The following SMAD2 variants were observed in gnomAD, a reference collection of about 807,000 sequenced individuals.
The protein encoded by SMAD2 is SMAD family member 2.
Under a neutral mutation model 64.4 loss-of-function variants are expected in SMAD2, and 8 were observed. The ratio of observed to expected loss-of-function variants is 0.12; its 90% CI spans 0.07 to 0.22. The LOEUF (loss-of-function observed/expected upper bound fraction) is 0.22. Among genes scored for constraint, SMAD2 ranks in the 10% least tolerant of loss-of-function variants. SMAD2 has a pLI of 1.00. For missense variants in SMAD2, 289 were observed against 561.2 expected (o/e 0.51, Z 4.90); for synonymous variants, 203 against 195.8 (o/e 1.04, Z -0.31).
At chr18:47,922,693 T>C (rs540551780) in intron 1 of SMAD2, 3 of 152,360 alleles carry the variant, frequency 2.0e-5, no homozygotes, top group Admixed American at 2.0e-4. Flanking sequence ...ATCAATGACC[T>C]GGAATTGTAT....
At chr18:47,863,509 A>G (rs2031340009) in intron 6 of SMAD2, among the ~76,000 whole-genome samples, 1 of 152,120 alleles carries the variant, frequency 6.6e-6, no homozygotes, top group Non-Finnish European at 1.5e-5. Context: ...TTTCAGTTAT[A>G]TTGCTGAATA....
intron 1 of SMAD2, among the ~76,000 whole-genome samples, chr18:47,905,884 GGA>G (rs2144501663): frequency 1.3e-5 from 2 of 152,256 alleles, no homozygotes; most frequent in East Asian, 3.9e-4. Context: ...GGCCAAAATA[GGA>G]GGACTGCTTG....
intron 2 of SMAD2, among the ~76,000 whole-genome samples, chr18:47,874,272 G>T (rs1475922957): frequency 6.6e-6 from 1 of 152,156 alleles, no homozygotes; most frequent in African/African-American, 2.4e-5. Context: ...ACCCATGGAT[G>T]AATCTTGGGA....
chr18:47,927,966 C>G (rs1409359499), intron 1 of SMAD2, among the ~76,000 whole-genome samples: 1 of 152,124 alleles, frequency 6.6e-6, no homozygotes, highest in African/African-American at 2.4e-5. Context: ...GTTGTGAATT[C>G]CTTACGTTTC....
intron 2 of SMAD2, among the ~76,000 whole-genome samples, chr18:47,878,813 C>A (rs969224228): frequency 6.6e-6 from 1 of 152,168 alleles, no homozygotes; most frequent in Non-Finnish European, 1.5e-5. Context: ...CGAGTAAGCA[C>A]CCTACACATT....
chr18:47,854,837 A>G (rs558839837), intron 6 of SMAD2, among the ~76,000 whole-genome samples: 60 of 152,310 alleles, frequency 3.9e-4, no homozygotes, highest in African/African-American at 1.3e-3. Context: ...CATTTGTTAT[A>G]ATAATGAACC....
chr18:47,910,473 A>C (rs1295738627), intron 1 of SMAD2, among the ~76,000 whole-genome samples: 1 of 152,224 alleles, frequency 6.6e-6, no homozygotes, highest in Non-Finnish European at 1.5e-5. Flanking sequence ...CTAAAGCAAA[A>C]GGTGTAAGGA....
chr18:47,843,783 A>T (rs1485674060), intron 10 of SMAD2, among the ~76,000 whole-genome samples: 1 of 152,126 alleles, frequency 6.6e-6, no homozygotes, highest in Non-Finnish European at 1.5e-5. Flanking sequence ...GTAATTACAG[A>T]TTTTACTTTA....
chr18:47,877,334 ACTTCTAGG>A lies in SMAD2; in HGVS notation c.237-6778_237-6771del, dbSNP rs2032323509. Among the ~76,000 whole-genome samples, 7 of 152,210 alleles carry A rather than the reference ACTTCTAGG, an allele frequency of 4.6e-5. No homozygotes were observed. The South Asian group carries it at 1.5e-3, about 32-fold the overall frequency. ...TTACTGATCTACTCATTTAATACAG[ACTTCTAGG>A]GGAGTAATCTGTAACTATGCATCCA... On this transcript the variant is annotated intron_variant, in intron 2 of 10. Transcript: ENST00000262160.
At chr18:47,869,520 A>G (rs1219625543) in intron 3 of SMAD2, 84 bp from the exon 4 acceptor site, 1 of 916,866 alleles carries the variant, frequency 1.1e-6, no homozygotes, top group Non-Finnish European at 1.7e-6. Context: ...AAATTAGTAC[A>G]ATAAAAGCAT....
At chr18:47,857,513 C>T (rs865943927) in intron 6 of SMAD2, among the ~76,000 whole-genome samples, 1 of 152,164 alleles carries the variant, frequency 6.6e-6, no homozygotes, top group Admixed American at 6.5e-5. Context: ...AAAACCTTTG[C>T]TTCTGAAATA....
intron 1 of SMAD2, among the ~76,000 whole-genome samples, chr18:47,911,827 G>C (rs2034148177): frequency 6.6e-6 from 1 of 152,116 alleles, no homozygotes; most frequent in African/African-American, 2.4e-5. Flanking sequence ...ATAAAATAAA[G>C]CAAATACACA....
In SMAD2 at chr18:47,860,802, GAA is replaced by G. The variant is rs1443159631; in HGVS notation, c.730+4255_730+4256del. On this transcript the variant is annotated intron_variant, in intron 6 of 10. Transcript: ENST00000262160. ...CTATATGATCCTCTTTATAAACGCA[GAA>G]AAAAAATTTGACAAAATTCAACAGC... Among the ~76,000 whole-genome samples, 11 of 151,462 alleles carry G rather than the reference GAA, an allele frequency of 7.3e-5. No individual in the cohort carries two copies. In the South Asian group the frequency reaches 2.3e-3, roughly 31 times the overall value.
rs1040130001 is a variant in SMAD2, at chr18:47,812,247, G to A, written c.*29580C>T. On this transcript the variant is annotated 3_prime_UTR_variant, in exon 11 of 11. Transcript: ENST00000262160. ...CACGAGATCTGATGGTTTTATAAAGGGGAGTTCCCCTACACAAGCTCTCTC... is the reference window on the plus strand; with the variant it reads ...CACGAGATCTGATGGTTTTATAAAGAGGAGTTCCCCTACACAAGCTCTCTC... 1 of 152,126 alleles carries A rather than the reference G, an allele frequency of 6.6e-6. No homozygotes were observed. Among genetic ancestry groups the A allele is most frequent in the African/African-American group, 2.4e-5 (1 of 41,422 alleles). The allele number at this position is 152,126 out of a possible 1,614,324, so 9.4% of individuals were successfully genotyped here.
chr18:47,819,023 G>T lies in SMAD2; in HGVS notation c.*22804C>A, dbSNP rs935278153. The T allele has an allele frequency of 2.6e-5, 4 of 152,210 alleles. No homozygotes were observed. The highest frequency in any genetic ancestry group is 6.5e-5 in the Admixed American group (1 of 15,280). 9.4% of individuals were successfully genotyped at this position (152,210 alleles called of 1,614,324 possible). On this transcript the variant is annotated 3_prime_UTR_variant, in exon 11 of 11. Coordinates refer to ENST00000262160, the MANE Select transcript of SMAD2 (RefSeq NM_005901.6). ...CATATGTATATATATGTTGTATGTT[G>T]TGTCTACGTGGTAAAATCTGGCAGT...
chr18:47,858,176 A>G (rs1598781934), intron 6 of SMAD2, among the ~76,000 whole-genome samples: 1 of 152,236 alleles, frequency 6.6e-6, no homozygotes, highest in Non-Finnish European at 1.5e-5. Context: ...TGACCCCATA[A>G]TCAAGAGATA....
chr18:47,928,060 A>G (rs1257781322), intron 1 of SMAD2, among the ~76,000 whole-genome samples: 1 of 152,188 alleles, frequency 6.6e-6, no homozygotes, highest in Non-Finnish European at 1.5e-5. Context: ...TGGCTCTTCT[A>G]CACCCATCAA....
rs2031922741 is a variant in SMAD2, at chr18:47,871,370, T to C, written c.237-806A>G. ...AAACTTCAATGCGGATAAAGGAGTA[T>C]TTCAAAACATCTTTTGAAAATGAAT... On this transcript the variant is annotated intron_variant, in intron 2 of 10. Coordinates refer to ENST00000262160, the MANE Select transcript of SMAD2 (RefSeq NM_005901.6). Among the ~76,000 whole-genome samples the C allele has an allele frequency of 2.0e-5, 3 of 152,234 alleles. No individual in the cohort carries two copies. In the South Asian group the frequency reaches 6.2e-4, roughly 31 times the overall value.
chr18:47,849,374 GA>G (rs1006097893), intron 7 of SMAD2, among the ~76,000 whole-genome samples: 3 of 151,066 alleles, frequency 2.0e-5, no homozygotes, highest in Non-Finnish European at 3.0e-5. Flanking sequence ...TACTGCAAAA[GA>G]AAAAAACCTC....
Sources: gnomAD v4.1 joint callset for allele counts (sites outside exome capture counted in the v4.1 genomes callset) on GRCh38, gnomAD v4.1.1 for gene constraint, MANE v1.5 for transcripts, NCBI Gene and HGNC (gene_info 2026-07-23, HGNC 2026-07-21) for gene names.